The following LSAMP variants were observed in gnomAD, a reference collection of about 807,000 sequenced individuals.
LSAMP encodes limbic system associated membrane protein, also known as limbic system-associated membrane protein.
Under a neutral mutation model 38.6 loss-of-function variants are expected in LSAMP, and 7 were observed. That is an observed-to-expected ratio of 0.18 (90% CI 0.10 to 0.34). LSAMP has a LOEUF of 0.34. Ranked by LOEUF, LSAMP falls within the 10% of genes least tolerant of loss-of-function variation. LSAMP has a pLI of 1.00. For synonymous variants in LSAMP, 154 were observed against 166.8 expected (o/e 0.92, Z 0.59); for missense variants, 313 against 420.0 (o/e 0.75, Z 2.23).
At chr3:116,058,081 A>C (rs1168003872) in intron 2 of LSAMP, among the ~76,000 whole-genome samples, 5 of 152,140 alleles carry the variant, frequency 3.3e-5, no homozygotes, top group African/African-American at 1.2e-4. Context: ...TTAATGTGGT[A>C]TTATCTACAA....
In LSAMP at chr3:115,808,148, C is replaced by A. The variant is rs1467505094; in HGVS notation, c.*2169G>T. 2.4e-5 allele frequency: 2 copies of A among 81,694 alleles called. No homozygotes were observed. Among genetic ancestry groups the A allele is most frequent in the East Asian group, 5.3e-4 (1 of 1,890 alleles). 5.1% of individuals were successfully genotyped at this position (81,694 alleles called of 1,614,324 possible). ...TCCCTCCCTCCCTCCCTCCCTCCCT[C>A]CCCCCCTTCCCCGTCCCCCCCTCCC... On this transcript the variant is annotated 3_prime_UTR_variant, in exon 7 of 7. Coordinates refer to ENST00000490035, the MANE Select transcript of LSAMP (RefSeq NM_002338.5).
At chr3:116,385,653 C>T (rs1257074572) in intron 1 of LSAMP, among the ~76,000 whole-genome samples, 2 of 152,100 alleles carry the variant, frequency 1.3e-5, no homozygotes, top group Admixed American at 6.6e-5. Flanking sequence ...TATTAAGAGA[C>T]TCTTGTAAGT....
At chr3:115,891,131 C>A (rs1001588045) in intron 3 of LSAMP, among the ~76,000 whole-genome samples, 1 of 151,920 alleles carries the variant, frequency 6.6e-6, no homozygotes, top group African/African-American at 2.4e-5. Context: ...AGGCTGGGAA[C>A]CAGAGGCAGA....
At chr3:116,219,392 G>C (rs62269253) in intron 1 of LSAMP, among the ~76,000 whole-genome samples, 14,951 of 152,234 alleles carry the variant, frequency 0.098, 1,082 homozygotes, top group African/African-American at 0.21. Flanking sequence ...TGGGTATTGT[G>C]AATAGTGCTG....
intron 1 of LSAMP, among the ~76,000 whole-genome samples, chr3:116,173,228 G>C (rs1484766996): frequency 1.3e-5 from 2 of 152,006 alleles, no homozygotes; most frequent in African/African-American, 4.8e-5. Flanking sequence ...CAAAAAAGGA[G>C]GCAGGTTAGC....
chr3:116,272,812 A>G (rs1385632283), intron 1 of LSAMP, among the ~76,000 whole-genome samples: 3 of 152,188 alleles, frequency 2.0e-5, no homozygotes, highest in South Asian at 2.1e-4. Flanking sequence ...ATGATTTTAA[A>G]AAATAAAAAT....
chr3:115,896,762 A>G (rs138142232), intron 3 of LSAMP, among the ~76,000 whole-genome samples: 1 of 152,132 alleles, frequency 6.6e-6, no homozygotes, highest in African/African-American at 2.4e-5. Context: ...AGCTTTTACT[A>G]TTTTTACATG....
chr3:116,023,801 T>G (rs1252779817), intron 2 of LSAMP, among the ~76,000 whole-genome samples: 1 of 152,192 alleles, frequency 6.6e-6, no homozygotes, highest in African/African-American at 2.4e-5. Context: ...CATTCATGAT[T>G]GGCCCTGCTT....
intron 2 of LSAMP, among the ~76,000 whole-genome samples, chr3:116,056,089 G>C (rs1017636854): frequency 6.6e-6 from 1 of 151,910 alleles, no homozygotes; most frequent in African/African-American, 2.4e-5. Flanking sequence ...AAAGACATGG[G>C]TTTCAGTCCC....
chr3:116,323,799 G>C (rs1162168671), intron 1 of LSAMP, among the ~76,000 whole-genome samples: 1 of 152,090 alleles, frequency 6.6e-6, no homozygotes, highest in Non-Finnish European at 1.5e-5. Flanking sequence ...TCTGAGCACA[G>C]ACACCACTAA....
At chr3:115,895,112 A>G (rs1402315329) in intron 3 of LSAMP, among the ~76,000 whole-genome samples, 2 of 152,116 alleles carry the variant, frequency 1.3e-5, no homozygotes, top group African/African-American at 4.8e-5. Context: ...CCTCCCATTG[A>G]CAATTACCAG....
intron 3 of LSAMP, among the ~76,000 whole-genome samples, chr3:115,876,993 G>T (rs1224826512): frequency 1.3e-5 from 2 of 152,102 alleles, no homozygotes; most frequent in Non-Finnish European, 2.9e-5. Context: ...TAAAGCAGAA[G>T]GAGGCAGTCT....
At chr3:116,043,870 G>T (rs748408274) in intron 2 of LSAMP, among the ~76,000 whole-genome samples, 1 of 152,180 alleles carries the variant, frequency 6.6e-6, no homozygotes, top group Non-Finnish European at 1.5e-5. Flanking sequence ...GGCGTGAACC[G>T]GTCAGGCGGA....
chr3:116,367,385 C>A (rs2048368314), intron 1 of LSAMP, among the ~76,000 whole-genome samples: 1 of 152,006 alleles, frequency 6.6e-6, no homozygotes, highest in African/African-American at 2.4e-5. Context: ...TTTCTGTATC[C>A]CTTTTATTTC....
At chr3:116,339,680 T>C (rs1437429325) in intron 1 of LSAMP, among the ~76,000 whole-genome samples, 2 of 152,032 alleles carry the variant, frequency 1.3e-5, no homozygotes, top group Non-Finnish European at 2.9e-5. Flanking sequence ...CCTGATTTTC[T>C]CAAAATACTT....
Position 116,032,585 on chromosome 3 carries a change from C to G in LSAMP, c.389-12945G>C, listed in dbSNP as rs545011148. The stretch of plus-strand genomic sequence containing the variant: ...CACTTTGGAAGGCTGAGGTGTGAAG[C>G]AGCAGTTTGAGACAAGCCTGGGCAA... On this transcript the variant is annotated intron_variant, in intron 2 of 6. Coordinates refer to ENST00000490035, the MANE Select transcript of LSAMP (RefSeq NM_002338.5). Among the ~76,000 whole-genome samples the G allele has an allele frequency of 2.7e-4, 41 of 152,210 alleles. 2 individuals carry two copies. In the South Asian group the frequency reaches 8.3e-3, roughly 31 times the overall value.
intron 1 of LSAMP, among the ~76,000 whole-genome samples, chr3:116,340,331 CT>C (rs2047975262): frequency 1.3e-5 from 2 of 151,980 alleles, no homozygotes; most frequent in African/African-American, 2.4e-5. Flanking sequence ...TTGCTGTTTT[CT>C]TTTTTTGTGT....
intron 3 of LSAMP, among the ~76,000 whole-genome samples, chr3:115,914,953 G>A (rs1289669214): frequency 6.6e-6 from 1 of 152,214 alleles, no homozygotes; most frequent in East Asian, 1.9e-4. Context: ...CAAAGGGGGT[G>A]CAAGAATAAT....
chr3:115,938,147 C>T (rs547218952), intron 3 of LSAMP, among the ~76,000 whole-genome samples: 4 of 152,198 alleles, frequency 2.6e-5, no homozygotes, highest in African/African-American at 9.6e-5. Flanking sequence ...TTTAGATTTT[C>T]ACTGCATTCA....
Sources: allele counts gnomAD v4.1 joint callset (sites outside exome capture counted in the v4.1 genomes callset), GRCh38; gene constraint gnomAD v4.1.1; transcripts MANE v1.5; gene names NCBI Gene and HGNC (gene_info 2026-07-23, HGNC 2026-07-21).